SORCS3: variants seen among roughly 807,000 people sequenced by gnomAD.
SORCS3 encodes the protein sortilin related VPS10 domain containing receptor 3, also known as VPS10 domain-containing receptor SorCS3.
In SORCS3, 57 loss-of-function variants were observed where a neutral mutation model predicts 146.3. The observed-to-expected ratio is 0.39, with a 90% CI of 0.31 to 0.49. SORCS3 has a LOEUF of 0.49. Among genes scored for constraint, SORCS3 ranks in the 20% least tolerant of loss-of-function variants. The probability of loss-of-function intolerance (pLI) is 0.92; values close to 1 mark genes in which losing one functional copy is unlikely to be tolerated. For missense variants in SORCS3, 1,341 were observed against 1,575.5 expected (o/e 0.85, Z 2.52); for synonymous variants, 653 against 618.5 (o/e 1.06, Z -0.83).
chr10:104,823,134 G>C, intron 1 of SORCS3, among the ~76,000 whole-genome samples: 1 of 152,174 alleles, frequency 6.6e-6, no homozygotes, highest in East Asian at 1.9e-4. Flanking sequence ...AAACATGCCT[G>C]CAGGGCCAAT....
At chr10:104,834,856 A>G (rs896882385) in intron 1 of SORCS3, among the ~76,000 whole-genome samples, 4 of 152,076 alleles carry the variant, frequency 2.6e-5, no homozygotes, top group Non-Finnish European at 4.4e-5. Flanking sequence ...AAATTGGTCA[A>G]TGTAGTACAC....
chr10:104,885,973 T>C (rs2018677672), intron 2 of SORCS3, among the ~76,000 whole-genome samples: 1 of 152,124 alleles, frequency 6.6e-6, no homozygotes, highest in South Asian at 2.1e-4. Flanking sequence ...ACACTAGAGA[T>C]GGAAAATACA....
intron 8 of SORCS3, among the ~76,000 whole-genome samples, chr10:105,142,679 A>G (rs1002383870): frequency 1.3e-5 from 2 of 152,030 alleles, no homozygotes; most frequent in African/African-American, 4.8e-5. Flanking sequence ...TGCACACCCT[A>G]CTTTTCACAC....
At chr10:104,696,177 TATATC>T (rs1262627609) in intron 1 of SORCS3, among the ~76,000 whole-genome samples, 2 of 126,654 alleles carry the variant, frequency 1.6e-5, no homozygotes, top group African/African-American at 6.1e-5. Context: ...ATATATAATA[TATATC>T]ATATACACAT....
At chr10:105,201,069 TCA>T (rs1254558284) in intron 15 of SORCS3, 49 bp from the exon 16 acceptor site, 1 of 1,594,474 alleles carries the variant, frequency 6.3e-7, no homozygotes, top group Non-Finnish European at 8.5e-7. Context: ...CTGGTTTATT[TCA>T]CCACCTTTTT....
chr10:105,225,035 C>A (rs1283579290), intron 20 of SORCS3, among the ~76,000 whole-genome samples: 1 of 152,050 alleles, frequency 6.6e-6, no homozygotes, highest in Non-Finnish European at 1.5e-5. Context: ...TGTGGCTTAT[C>A]TTTTCAACTT....
At chr10:105,255,076 T>C (rs1268135659) in intron 23 of SORCS3, among the ~76,000 whole-genome samples, 1 of 149,282 alleles carries the variant, frequency 6.7e-6, no homozygotes, top group Non-Finnish European at 1.5e-5. Flanking sequence ...TAGTCCCAGC[T>C]ACTCAGGAGG....
chr10:105,205,242 A>G (rs2056595759), intron 16 of SORCS3, among the ~76,000 whole-genome samples: 1 of 152,162 alleles, frequency 6.6e-6, no homozygotes, highest in African/African-American at 2.4e-5. Flanking sequence ...AGAATTGAGG[A>G]ATGCAACCTG....
At position 105,265,117 on chromosome 10, in the gene SORCS3, A is replaced by G. The variant is rs1020298552; in HGVS notation, c.*1743A>G. 3.3e-5 allele frequency: 5 copies of G among 152,602 alleles called. No homozygotes were observed. Among genetic ancestry groups the G allele is most frequent in the Admixed American group, 6.5e-5 (1 of 15,282 alleles). The allele number at this position is 152,602 out of a possible 1,614,324, so 9.5% of individuals were successfully genotyped here. A position where few individuals can be genotyped will look rare whatever the true frequency, so the allele number is the denominator to read the frequency against. The stretch of plus-strand genomic sequence containing the variant: ...GAATACAAATGCATGACTCATATCT[A>G]TATATACAGTATATGTACATATACT... On this transcript the variant is annotated 3_prime_UTR_variant, in exon 27 of 27. Transcript: ENST00000369701.
intron 1 of SORCS3, among the ~76,000 whole-genome samples, chr10:104,818,325 G>C (rs2017828105): frequency 6.7e-6 from 1 of 149,656 alleles, no homozygotes; most frequent in Non-Finnish European, 1.5e-5. Flanking sequence ...GAACAAGAGA[G>C]AGCACAATTT....
At chr10:104,786,755 AC>A (rs1443834476) in intron 1 of SORCS3, among the ~76,000 whole-genome samples, 3 of 152,052 alleles carry the variant, frequency 2.0e-5, no homozygotes, top group Admixed American at 6.6e-5. Flanking sequence ...TTGGTCTGTG[AC>A]CCACCTCCTG....
chr10:104,697,842 G>C (rs565026090), intron 1 of SORCS3, among the ~76,000 whole-genome samples: 4 of 152,232 alleles, frequency 2.6e-5, no homozygotes, highest in African/African-American at 9.6e-5. Flanking sequence ...CTATAACATA[G>C]TAGTTGATCC....
intron 20 of SORCS3, among the ~76,000 whole-genome samples, chr10:105,232,741 C>T (rs1204421158): frequency 6.6e-6 from 1 of 151,966 alleles, no homozygotes; most frequent in Non-Finnish European, 1.5e-5. Flanking sequence ...TTTAGTTGAA[C>T]ATACTTTTTA....
intron 7 of SORCS3, among the ~76,000 whole-genome samples, chr10:105,130,743 T>C (rs1420452052): frequency 6.6e-6 from 1 of 152,176 alleles, no homozygotes; most frequent in Non-Finnish European, 1.5e-5. Context: ...AGTATGATGT[T>C]GGGTAATAGA....
intron 2 of SORCS3, among the ~76,000 whole-genome samples, chr10:104,861,512 G>T (rs149389026): frequency 7.2e-4 from 110 of 152,204 alleles, no homozygotes; most frequent in African/African-American, 2.5e-3. Flanking sequence ...TCTGCCTTTT[G>T]CCCTAATCCC....
chr10:104,706,201 C>CTTTTT lies in SORCS3; in HGVS notation c.627+64268_627+64272dup, dbSNP rs1162969172. Among the ~76,000 whole-genome samples the CTTTTT allele has an allele frequency of 3.0e-3, 254 of 85,852 alleles. 9 individuals are homozygous for CTTTTT. The highest frequency in any genetic ancestry group is 5.0e-3 in the African/African-American group (100 of 19,920). 56.3% of individuals were successfully genotyped at this position (85,852 alleles called of 152,430 possible). A position where few individuals can be genotyped will look rare whatever the true frequency, so the allele number is the denominator to read the frequency against. On this transcript the variant is annotated intron_variant, in intron 1 of 26. Coordinates refer to ENST00000369701, the MANE Select transcript of SORCS3 (RefSeq NM_014978.3). ...TTGTTTGTTTGTTTCTTTTCTTCTT[C>CTTTTT]TTTTTTTTTTTTTTTTTTTTTTTTT...
chr10:105,209,410 T>C (rs2056621677), intron 16 of SORCS3, among the ~76,000 whole-genome samples: 1 of 152,184 alleles, frequency 6.6e-6, no homozygotes, highest in South Asian at 2.1e-4. Flanking sequence ...CCCAAAGTAC[T>C]GGGATTACAG....
intron 1 of SORCS3, among the ~76,000 whole-genome samples, chr10:104,776,112 C>A (rs143798698): frequency 6.6e-6 from 1 of 151,972 alleles, no homozygotes; most frequent in African/African-American, 2.4e-5. Context: ...GTGCTAAGGA[C>A]GCTGGGAGAG....
chr10:104,846,021 A>G (rs1372052810), intron 2 of SORCS3, among the ~76,000 whole-genome samples: 9 of 152,156 alleles, frequency 5.9e-5, no homozygotes, highest in African/African-American at 1.9e-4. Flanking sequence ...CACAGATTCC[A>G]TATGGTGTGA....
Sources: gnomAD v4.1 joint callset for allele counts (sites outside exome capture counted in the v4.1 genomes callset) on GRCh38, gnomAD v4.1.1 for gene constraint, MANE v1.5 for transcripts, NCBI Gene and HGNC (gene_info 2026-07-23, HGNC 2026-07-21) for gene names.